Variants in OSM observed in about 807,000 individuals in gnomAD.
The protein encoded by OSM is oncostatin M.
OSM carries 1 observed loss-of-function variant against 6.3 expected under a neutral mutation model. That is an observed-to-expected ratio of 0.16 (90% CI 0.06 to 0.76). OSM has a LOEUF of 0.76. Ranked by LOEUF, OSM falls within the 30% of genes least tolerant of loss-of-function variation. The probability of loss-of-function intolerance (pLI) is 0.77; values close to 1 mark genes in which losing one functional copy is unlikely to be tolerated. For missense variants in OSM, 324 were observed against 336.9 expected (o/e 0.96, Z 0.30); for synonymous variants, 135 against 143.4 (o/e 0.94, Z 0.42).
rs754420723 is a variant in OSM at position 30,264,000 on chromosome 22, C to G, written c.642G>C (p.Glu214Asp). 3.2e-6 allele frequency: 5 copies of G among 1,556,758 alleles called. No homozygotes were observed. Residue 214 changes from glutamate (E) to aspartate (D), a missense_variant, in exon 3 of 3, where the codon GAG becomes GAC. Glu to Asp is a conservative substitution (Grantham distance 45). Transcript: ENST00000215781. ...SVGRVFSKWG[E>D]SPNRSRRHSP... ...TGTGTCTCCGGCTCCGGTTCGGGCTCTCCCCCCACTTGCTGAAGACCCGCC... is the reference window on the plus strand; with the variant it reads ...TGTGTCTCCGGCTCCGGTTCGGGCTGTCCCCCCACTTGCTGAAGACCCGCC...
At chr22:30,264,955 C>T in intron 2 of OSM, 47 bp downstream of exon 2, 3 of 1,602,144 alleles carry the variant, frequency 1.9e-6, no homozygotes, top group Non-Finnish European at 2.6e-6. Flanking sequence ...CCTTCCTAAC[C>T]CCATAGTTCT....
At chr22:30,265,320 G>A in intron 1 of OSM, 176 bp from the exon 2 acceptor site, 4 of 985,482 alleles carry the variant, frequency 4.1e-6, no homozygotes, top group Non-Finnish European at 4.8e-6. Context: ...TGCCCACCAA[G>A]GCCACCATCA....
Position 30,264,058 on chromosome 22 carries a change from A to G in OSM, c.584T>C (p.Leu195Pro). The change falls in exon 3 of 3, where the codon CTG becomes CCG. Residue 195 changes from leucine to proline, a missense_variant. Physicochemically the swap from Leu to Pro is moderately conservative, Grantham distance 98. Coordinates refer to ENST00000215781, the MANE Select transcript of OSM (RefSeq NM_020530.6). ...FQRKLEGCRF[L>P]HGYHRFMHSV... ...GTGCATGAAGCGATGGTAGCCATGCAGGAACCTGCAGCCCTCCAGCTTGCG... is the reference window on the plus strand; with the variant it reads ...GTGCATGAAGCGATGGTAGCCATGCGGGAACCTGCAGCCCTCCAGCTTGCG... 1 of 1,590,502 alleles carries G rather than the reference A, an allele frequency of 6.3e-7. No individual in the cohort carries two copies. The highest frequency in any genetic ancestry group is 8.6e-7 in the Non-Finnish European group (1 of 1,165,542).
In OSM at chr22:30,263,529, G is replaced by C. The variant is rs1929294850; in HGVS notation, c.*354C>G. On this transcript the variant is annotated 3_prime_UTR_variant, in exon 3 of 3. Coordinates refer to ENST00000215781, the MANE Select transcript of OSM (RefSeq NM_020530.6). Reference sequence around the variant, plus strand: ...CAACGGCCCTGCAAGTCATGAGAGGGAAGGACCGGCAGGCCTCGGGGAGCA... The same window carrying C: ...CAACGGCCCTGCAAGTCATGAGAGGCAAGGACCGGCAGGCCTCGGGGAGCA... The C allele has an allele frequency of 3.7e-6, 1 of 271,662 alleles. No individual in the cohort carries two copies. The highest frequency in any genetic ancestry group is 6.9e-6 in the Non-Finnish European group (1 of 145,146). The allele number at this position is 271,662 out of a possible 1,614,324, so 16.8% of individuals were successfully genotyped here.
At chr22:30,265,538 G>A (rs137966928) in intron 1 of OSM, 14 of 400,952 alleles carry the variant, frequency 3.5e-5, no homozygotes, top group African/African-American at 1.9e-4. Flanking sequence ...GCTAAAGACC[G>A]GCCACTGCCC....
intron 2 of OSM, among the ~76,000 whole-genome samples, 167 bp from the exon 3 acceptor site, chr22:30,264,631 CA>C (rs1397063411): frequency 8.5e-5 from 13 of 152,290 alleles, no homozygotes; most frequent in Non-Finnish European, 2.9e-5. Flanking sequence ...TCACTGCAGG[CA>C]AGGTCGGAGT....
rs531632877 is a variant in OSM at position 30,266,389 on chromosome 22, C to T, written c.34+377G>A. Among the ~76,000 whole-genome samples the T allele has an allele frequency of 2.0e-5, 3 of 152,188 alleles. No individual in the cohort carries two copies. The highest frequency in any genetic ancestry group is 1.9e-4 in the East Asian group (1 of 5,178). On this transcript the variant is annotated intron_variant, in intron 1 of 2. Transcript: ENST00000215781. This position sits in a 1 kb window ranked among gnomAD's most constrained non-coding sequence, Gnocchi z 5.0. ...GGCCTGGCTGACTTTCTATTCATCC[C>T]GGGCAAGCTGGAGGCCCCACAACCC...
rs562398469 is a variant in OSM at position 30,264,165 on chromosome 22, G to A, written c.477C>T (p.Asn159=). 1 of 1,613,832 alleles carries A rather than the reference G, an allele frequency of 6.2e-7. No homozygotes were observed. Among genetic ancestry groups the A allele is most frequent in the African/African-American group, 1.3e-5 (1 of 75,066 alleles). The change falls in exon 3 of 3, where the codon AAC becomes AAT. Residue 159 remains asparagine, a synonymous_variant. Transcript: ENST00000215781. ...NIYCMAQLLD[N]SDTAEPTKAG... ...CCTTCGTGGGCTCAGCCGTGTCTGA[G>A]TTGTCCAGCAGCTGGGCCATGCAGT...
At chr22:30,265,965 T>C (rs751209761) in intron 1 of OSM, 1 of 152,442 alleles carries the variant, frequency 6.6e-6, no homozygotes, top group Non-Finnish European at 1.5e-5. Flanking sequence ...TATGGCGCAA[T>C]GGCCCGGAAG....
chr22:30,264,043 C>T lies in OSM; in HGVS notation c.599G>A (p.Arg200His), dbSNP rs199892388. ...GACCCGCCCCACTGAGTGCATGAAGCGATGGTAGCCATGCAGGAACCTGCA... is the reference window on the plus strand; with the variant it reads ...GACCCGCCCCACTGAGTGCATGAAGTGATGGTAGCCATGCAGGAACCTGCA... ...EGCRFLHGYH[R>H]FMHSVGRVFS... Residue 200 changes from arginine (R) to histidine (H), a missense_variant, in exon 3 of 3, where the codon CGC (arginine) becomes CAC (histidine). Coordinates refer to ENST00000215781, the MANE Select transcript of OSM (RefSeq NM_020530.6). 55 of 1,579,894 alleles carry T rather than the reference C, an allele frequency of 3.5e-5. No individual in the cohort carries two copies. The highest frequency in any genetic ancestry group is 1.7e-5 in the Non-Finnish European group (20 of 1,160,456).
Position 30,264,514 on chromosome 22 carries a change from A to G in OSM, c.178-50T>C, listed in dbSNP as rs769548074. 12 of 1,459,880 alleles carry G rather than the reference A, an allele frequency of 8.2e-6. No individual in the cohort carries two copies. In the East Asian group the frequency reaches 1.9e-4, roughly 23 times the overall value. 90.4% of individuals were successfully genotyped at this position (1,459,880 alleles called of 1,614,324 possible). A position where few individuals can be genotyped will look rare whatever the true frequency, so the allele number is the denominator to read the frequency against. On this transcript the variant is annotated intron_variant, in intron 2 of 2. Coordinates refer to ENST00000215781, the MANE Select transcript of OSM (RefSeq NM_020530.6). Reference sequence around the variant, plus strand: ...GGTGAATGCTGAGGATCCGGACCACACTCACAGACAAGTAAGCCTTGAAAT... The same window carrying G: ...GGTGAATGCTGAGGATCCGGACCACGCTCACAGACAAGTAAGCCTTGAAAT...
Position 30,263,809 on chromosome 22 carries a change from T to C in OSM, c.*74A>G, listed in dbSNP as rs1601652903. On this transcript the variant is annotated 3_prime_UTR_variant, in exon 3 of 3. Transcript: ENST00000215781. ...GGAACAGGTTTGGGGACCCGGGAGC[T>C]GTCATCCTGCGATGGTTCCTCTCAT... 2 of 1,235,308 alleles carry C rather than the reference T, an allele frequency of 1.6e-6. No individual in the cohort carries two copies. The highest frequency in any genetic ancestry group is 4.9e-5 in the East Asian group (2 of 41,102). The allele number at this position is 1,235,308 out of a possible 1,614,324, so 76.5% of individuals were successfully genotyped here.
chr22:30,266,722 A>C lies in OSM; in HGVS notation c.34+44T>G. On this transcript the variant is annotated intron_variant, in intron 1 of 2. Coordinates refer to ENST00000215781, the MANE Select transcript of OSM (RefSeq NM_020530.6). This position sits in a 1 kb window ranked among gnomAD's most constrained non-coding sequence, Gnocchi z 5.0. ...CTGCTCCCCACCGGCACCCGTGGGC[A>C]GACCCAGCAGGCGGGTTCTGGCGGG... is the stretch of plus-strand genomic sequence containing the variant. The C allele has an allele frequency of 6.2e-7, 1 of 1,610,146 alleles. No individual in the cohort carries two copies. The highest frequency in any genetic ancestry group is 8.5e-7 in the Non-Finnish European group (1 of 1,177,192).
Position 30,263,534 on chromosome 22 carries a change from A to G in OSM, c.*349T>C. On this transcript the variant is annotated 3_prime_UTR_variant, in exon 3 of 3. Coordinates refer to ENST00000215781, the MANE Select transcript of OSM (RefSeq NM_020530.6). ...GCCCTGCAAGTCATGAGAGGGAAGG[A>G]CCGGCAGGCCTCGGGGAGCAAGGCA... The G allele has an allele frequency of 3.6e-6, 1 of 278,276 alleles. No homozygotes were observed. Among genetic ancestry groups the G allele is most frequent in the East Asian group, 6.1e-5 (1 of 16,446 alleles). The allele number at this position is 278,276 out of a possible 1,614,324, so 17.2% of individuals were successfully genotyped here.
rs118079054 is a variant in OSM, at chr22:30,266,150, G to A, written c.34+616C>T. On this transcript the variant is annotated intron_variant, in intron 1 of 2. Transcript: ENST00000215781. The surrounding 1 kb of genome is among the most constrained non-coding windows in gnomAD (Gnocchi z 5.0). ...GGGGCCTGTGCCTGTGGCAGCGCAC[G>A]TGGGACTGGGGTTTCTGTGTGGCTG... Among the ~76,000 whole-genome samples, 9 of 152,364 alleles carry A rather than the reference G, an allele frequency of 5.9e-5. No individual in the cohort carries two copies. The highest frequency in any genetic ancestry group is 2.1e-4 in the South Asian group (1 of 4,832).
intron 1 of OSM, chr22:30,265,419 G>A: frequency 3.2e-6 from 4 of 1,260,436 alleles, no homozygotes; most frequent in Non-Finnish European, 4.0e-6. Context: ...GTAGGTCTTT[G>A]AGCAAAGGCT....
chr22:30,265,499 G>T, intron 1 of OSM: 1 of 785,912 alleles, frequency 1.3e-6, no homozygotes, highest in Non-Finnish European at 1.6e-6. Flanking sequence ...TCTCTGCAAG[G>T]TGGGACTGGC....
rs200990327 is a variant in OSM, at chr22:30,263,011, G to A, written c.*872C>T. The stretch of plus-strand genomic sequence containing the variant: ...CCCCTCTAGGAGAGCAATGGCTCCT[G>A]CGTGAGAAAATTCCAGGATCCACCA... On this transcript the variant is annotated 3_prime_UTR_variant, in exon 3 of 3. Transcript: ENST00000215781. 1 of 152,722 alleles carries A rather than the reference G, an allele frequency of 6.5e-6. No homozygotes were observed. The highest frequency in any genetic ancestry group is 2.4e-5 in the African/African-American group (1 of 41,464). The allele number at this position is 152,722 out of a possible 1,614,324, so 9.5% of individuals were successfully genotyped here.
intron 1 of OSM, chr22:30,265,539 G>A: frequency 2.5e-6 from 1 of 396,200 alleles, no homozygotes; most frequent in Non-Finnish European, 3.6e-6. Flanking sequence ...CTAAAGACCG[G>A]CCACTGCCCT....
Sources: allele counts gnomAD v4.1 joint callset (sites outside exome capture counted in the v4.1 genomes callset), GRCh38; gene constraint gnomAD v4.1.1; non-coding constraint Gnocchi (gnomAD v3.1); transcripts MANE v1.5; gene names NCBI Gene and HGNC (gene_info 2026-07-23, HGNC 2026-07-21).